LYPD6: variants seen among roughly 807,000 people sequenced by gnomAD.
LYPD6 encodes ly6/PLAUR domain-containing protein 6.
A neutral mutation model predicts 22.7 loss-of-function variants in LYPD6; 15 were observed. The observed-to-expected ratio is 0.66, with a 90% CI of 0.44 to 1.02. The LOEUF is 1.02. Among genes scored for constraint, LYPD6 ranks in the 50% least tolerant of loss-of-function variants. The pLI is 0.00. For synonymous variants in LYPD6, 72 were observed against 77.5 expected (o/e 0.93, Z 0.37); for missense variants, 189 against 208.4 (o/e 0.91, Z 0.57).
At chr2:149,391,238 C>T (rs1457751870) in intron 1 of LYPD6, among the ~76,000 whole-genome samples, 3 of 152,172 alleles carry the variant, frequency 2.0e-5, no homozygotes, top group Non-Finnish European at 2.9e-5. Flanking sequence ...AAGTAAGACT[C>T]GGCTCTTACC....
intron 1 of LYPD6, among the ~76,000 whole-genome samples, chr2:149,403,104 C>A (rs1291420737): frequency 6.6e-6 from 1 of 152,048 alleles, no homozygotes. Flanking sequence ...TGTATATGTG[C>A]CACATTTTCT....
At chr2:149,476,076 A>G (rs1681446565), downstream of LYPD6, among the ~76,000 whole-genome samples, 1 of 152,216 alleles carries the variant, frequency 6.6e-6, no homozygotes, top group Non-Finnish European at 1.5e-5. Flanking sequence ...AGAACCCTGG[A>G]GAACTCAGAT....
intron 1 of LYPD6, among the ~76,000 whole-genome samples, chr2:149,419,836 G>A (rs1363032735): frequency 1.2e-5 from 1 of 81,206 alleles, no homozygotes; most frequent in Non-Finnish European, 2.3e-5. Context: ...CAGGGTGTGT[G>A]TGTGTGTGTG....
chr2:149,359,791 C>A (rs1423656701), intron 1 of LYPD6, among the ~76,000 whole-genome samples: 2 of 152,084 alleles, frequency 1.3e-5, no homozygotes, highest in South Asian at 2.1e-4. Flanking sequence ...CTTTTTGTAT[C>A]CCTCTATTAC....
At chr2:149,441,963 T>C (rs1330695472) in intron 2 of LYPD6, among the ~76,000 whole-genome samples, 2 of 152,198 alleles carry the variant, frequency 1.3e-5, no homozygotes, top group South Asian at 2.1e-4. Flanking sequence ...TGTGCCCATG[T>C]AGAGAGCCAA....
chr2:149,355,671 G>T (rs781592008), intron 1 of LYPD6, among the ~76,000 whole-genome samples: 6 of 152,086 alleles, frequency 3.9e-5, no homozygotes, highest in Non-Finnish European at 8.8e-5. Flanking sequence ...TACTCAGATG[G>T]CCAAATGTCA....
intron 1 of LYPD6, among the ~76,000 whole-genome samples, chr2:149,409,167 G>A (rs1362191334): frequency 2.0e-5 from 3 of 152,152 alleles, no homozygotes; most frequent in African/African-American, 7.2e-5. Flanking sequence ...TGTAGTAAAT[G>A]TTTTTTCTCT....
chr2:149,342,610 A>G (rs1227398800), intron 1 of LYPD6, among the ~76,000 whole-genome samples: 1 of 152,146 alleles, frequency 6.6e-6, no homozygotes, highest in Non-Finnish European at 1.5e-5. Flanking sequence ...GTAGTCTCCC[A>G]TGTGGCCTCC....
At chr2:149,390,972 G>T (rs1682294775) in intron 1 of LYPD6, among the ~76,000 whole-genome samples, 1 of 152,152 alleles carries the variant, frequency 6.6e-6, no homozygotes. Flanking sequence ...CCATTTTATA[G>T]AGGAAGGACA....
At chr2:149,438,473 T>G (rs1683485249) in intron 2 of LYPD6, among the ~76,000 whole-genome samples, 1 of 152,260 alleles carries the variant, frequency 6.6e-6, no homozygotes, top group Admixed American at 6.5e-5. Context: ...TTGGTCTCTA[T>G]CTTTGTATTT....
At chr2:149,400,972 C>T (rs575083468) in intron 1 of LYPD6, among the ~76,000 whole-genome samples, 10 of 152,266 alleles carry the variant, frequency 6.6e-5, no homozygotes, top group African/African-American at 1.2e-4. Flanking sequence ...TTCCATACCT[C>T]GTGCTCCCCC....
At chr2:149,343,507 C>G (rs1006166822) in intron 1 of LYPD6, among the ~76,000 whole-genome samples, 35 of 152,118 alleles carry the variant, frequency 2.3e-4, no homozygotes, top group African/African-American at 8.2e-4. Flanking sequence ...CTTAGAAGAT[C>G]ACTGTTAAAA....
At chr2:149,416,865 T>C (rs963267163) in intron 1 of LYPD6, among the ~76,000 whole-genome samples, 2 of 152,220 alleles carry the variant, frequency 1.3e-5, no homozygotes, top group Non-Finnish European at 1.5e-5. Flanking sequence ...AGTTCTAGTG[T>C]TCTGTGAGGC....
At chr2:149,457,857 G>A (rs1255785894) in intron 3 of LYPD6, among the ~76,000 whole-genome samples, 1 of 152,192 alleles carries the variant, frequency 6.6e-6, no homozygotes, top group Non-Finnish European at 1.5e-5. Flanking sequence ...GGGACTTCAA[G>A]ACTCAAGGAA....
intron 1 of LYPD6, among the ~76,000 whole-genome samples, chr2:149,405,973 G>C (rs1157124394): frequency 2.0e-5 from 3 of 149,084 alleles, no homozygotes; most frequent in Non-Finnish European, 3.0e-5. Context: ...CTTTATTTCT[G>C]CCTTCATTTC....
intron 3 of LYPD6, among the ~76,000 whole-genome samples, chr2:149,450,285 T>C (rs866354620): frequency 1.3e-5 from 2 of 152,222 alleles, no homozygotes; most frequent in African/African-American, 4.8e-5. Flanking sequence ...TCAGTGGGTC[T>C]GAGATAGGGC....
intron 1 of LYPD6, among the ~76,000 whole-genome samples, chr2:149,335,444 G>T (rs1681017361): frequency 1.3e-5 from 2 of 152,152 alleles, no homozygotes; most frequent in African/African-American, 4.8e-5. Flanking sequence ...CCATGTGTTT[G>T]TGTTTTAAGC....
At chr2:149,396,469 A>G (rs765267373) in intron 1 of LYPD6, among the ~76,000 whole-genome samples, 1 of 151,994 alleles carries the variant, frequency 6.6e-6, no homozygotes, top group Non-Finnish European at 1.5e-5. Context: ...TATTTCAGAA[A>G]TCTTTAATAT....
Position 149,405,047 on chromosome 2 carries a change from C to T in LYPD6, c.-71-32591C>T, listed in dbSNP as rs558456142. Among the ~76,000 whole-genome samples the T allele has an allele frequency of 7.9e-5, 12 of 152,182 alleles. No individual in the cohort carries two copies. The East Asian group carries it at 1.5e-3, about 20-fold the overall frequency. ...ATGCTGGATTACATTTATTAATTTG[C>T]GTATATTGAACCAGCCTTGCATCCC... On this transcript the variant is annotated intron_variant, in intron 1 of 4. Coordinates refer to ENST00000334166, the MANE Select transcript of LYPD6 (RefSeq NM_194317.5).
Sources: gnomAD v4.1 joint callset for allele counts (sites outside exome capture counted in the v4.1 genomes callset) on GRCh38, gnomAD v4.1.1 for gene constraint, MANE v1.5 for transcripts, NCBI Gene and HGNC (gene_info 2026-07-23, HGNC 2026-07-21) for gene names.